Variants in TAFA1 observed in about 807,000 individuals in gnomAD.
TAFA1 encodes TAFA chemokine like family member 1.
Under a neutral mutation model 18.5 loss-of-function variants are expected in TAFA1, and 4 were observed. The observed-to-expected ratio is 0.22, with a 90% CI of 0.11 to 0.49. TAFA1 has a LOEUF of 0.49. Among genes scored for constraint, TAFA1 ranks in the 20% least tolerant of loss-of-function variants. TAFA1 has a pLI of 0.98. For missense variants in TAFA1, 147 were observed against 169.0 expected (o/e 0.87, Z 0.72); for synonymous variants, 56 against 55.2 (o/e 1.01, Z -0.06).
At chr3:68,356,288 A>G (rs2069362971) in intron 2 of TAFA1, among the ~76,000 whole-genome samples, 1 of 151,912 alleles carries the variant, frequency 6.6e-6, no homozygotes, top group East Asian at 1.9e-4. Flanking sequence ...ACTGTCCCTC[A>G]GCCTCAGTTT....
At chr3:68,269,620 G>A (rs949530355) in intron 2 of TAFA1, among the ~76,000 whole-genome samples, 4 of 152,008 alleles carry the variant, frequency 2.6e-5, no homozygotes, top group African/African-American at 9.7e-5. Flanking sequence ...TTTCCAGTGG[G>A]ATTAGAGATA....
intron 2 of TAFA1, among the ~76,000 whole-genome samples, chr3:68,263,797 A>G (rs1040619267): frequency 1.2e-4 from 18 of 152,100 alleles, no homozygotes; most frequent in African/African-American, 4.3e-4. Context: ...TTATTACACT[A>G]TAAACCTATG....
At chr3:68,312,046 G>A (rs541511653) in intron 2 of TAFA1, among the ~76,000 whole-genome samples, 51 of 152,290 alleles carry the variant, frequency 3.3e-4, no homozygotes, top group African/African-American at 1.2e-3. Context: ...AGCTGCCAAG[G>A]CTTGCAGCTT....
chr3:68,124,672 C>T (rs2065442730), intron 2 of TAFA1, among the ~76,000 whole-genome samples: 2 of 152,158 alleles, frequency 1.3e-5, no homozygotes, highest in African/African-American at 2.4e-5. Flanking sequence ...ATTAGTCACT[C>T]TTTAGTGCCC....
intron 2 of TAFA1, among the ~76,000 whole-genome samples, chr3:68,342,479 G>A (rs262210): frequency 2.6e-5 from 4 of 151,934 alleles, no homozygotes; most frequent in Non-Finnish European, 4.4e-5. Context: ...ATTCAAATAC[G>A]TCTTTCTCTT....
intron 2 of TAFA1, among the ~76,000 whole-genome samples, chr3:68,220,923 G>T (rs2066721919): frequency 6.6e-6 from 1 of 152,132 alleles, no homozygotes; most frequent in Non-Finnish European, 1.5e-5. Flanking sequence ...ATGCCTCTGA[G>T]GATTGGCTGT....
chr3:68,539,703 G>GGTGTGTGCAT (rs2073341271), intron 4 of TAFA1, among the ~76,000 whole-genome samples: 1 of 54,612 alleles, frequency 1.8e-5, no homozygotes. Context: ...TGGGTGGGTG[G>GGTGTGTGCAT]GTGTGTGCAT....
At chr3:68,139,810 A>G (rs909271299) in intron 2 of TAFA1, among the ~76,000 whole-genome samples, 2 of 152,188 alleles carry the variant, frequency 1.3e-5, no homozygotes, top group Non-Finnish European at 2.9e-5. Flanking sequence ...ATTTCAACCC[A>G]TGTCAATGTG....
At chr3:68,229,644 T>A (rs888278312) in intron 2 of TAFA1, among the ~76,000 whole-genome samples, 2 of 152,248 alleles carry the variant, frequency 1.3e-5, no homozygotes, top group Non-Finnish European at 2.9e-5. Context: ...ACATGGTTAA[T>A]CATTACTTTT....
At chr3:68,519,744 G>A (rs2072988315) in intron 3 of TAFA1, among the ~76,000 whole-genome samples, 2 of 152,126 alleles carry the variant, frequency 1.3e-5, no homozygotes, top group South Asian at 4.1e-4. Context: ...AGCAGAGTGA[G>A]GTTTCTGGGG....
intron 2 of TAFA1, among the ~76,000 whole-genome samples, chr3:68,124,676 A>G (rs2065442756): frequency 6.6e-6 from 1 of 152,186 alleles, no homozygotes; most frequent in South Asian, 2.1e-4. Context: ...GTCACTCTTT[A>G]GTGCCCATGT....
intron 2 of TAFA1, among the ~76,000 whole-genome samples, chr3:68,370,353 T>TATACAC (rs776307736): frequency 2.4e-5 from 1 of 41,120 alleles, no homozygotes; most frequent in African/African-American, 1.1e-4. Context: ...TATATATATA[T>TATACAC]ACACACACAC....
intron 2 of TAFA1, among the ~76,000 whole-genome samples, chr3:68,213,657 A>G (rs576353966): frequency 1.3e-5 from 2 of 152,206 alleles, no homozygotes; most frequent in African/African-American, 2.4e-5. Flanking sequence ...AGCCAGGAAG[A>G]TGCACACCTT....
At chr3:68,026,400 G>A (rs912421174) in intron 2 of TAFA1, among the ~76,000 whole-genome samples, 4 of 151,432 alleles carry the variant, frequency 2.6e-5, no homozygotes, top group Non-Finnish European at 5.9e-5. Context: ...CAAATGGCAA[G>A]TTACTATGAT....
intron 2 of TAFA1, among the ~76,000 whole-genome samples, chr3:68,009,850 T>C (rs1442119691): frequency 6.6e-6 from 1 of 152,162 alleles, no homozygotes; most frequent in African/African-American, 2.4e-5. Flanking sequence ...ACTAATGAAA[T>C]GTGTATGAAA....
chr3:68,456,787 T>C (rs1432287043), intron 3 of TAFA1, among the ~76,000 whole-genome samples: 1 of 152,208 alleles, frequency 6.6e-6, no homozygotes, highest in Non-Finnish European at 1.5e-5. Context: ...ACTTTTCTTT[T>C]TTCTTTTTTT....
At chr3:68,234,642 C>T (rs1008782530) in intron 2 of TAFA1, among the ~76,000 whole-genome samples, 1 of 152,162 alleles carries the variant, frequency 6.6e-6, no homozygotes, top group Non-Finnish European at 1.5e-5. Flanking sequence ...CTCACCAAAG[C>T]TCTGCTTGGC....
intron 3 of TAFA1, among the ~76,000 whole-genome samples, chr3:68,487,338 G>A (rs1386126677): frequency 1.3e-5 from 2 of 152,118 alleles, no homozygotes; most frequent in Non-Finnish European, 2.9e-5. Context: ...GAAAAGAATA[G>A]CCAAGTTCAT....
chr3:68,307,429 T>G (rs1213372250), intron 2 of TAFA1, among the ~76,000 whole-genome samples: 3 of 152,188 alleles, frequency 2.0e-5, no homozygotes, highest in Non-Finnish European at 4.4e-5. Context: ...AAATACAGAC[T>G]AGCTCCAAAT....
Sources: allele counts gnomAD v4.1 joint callset (sites outside exome capture counted in the v4.1 genomes callset), GRCh38; gene constraint gnomAD v4.1.1; transcripts MANE v1.5; gene names NCBI Gene and HGNC (gene_info 2026-07-23, HGNC 2026-07-21).